GAN: variants seen among roughly 807,000 people sequenced by gnomAD.
The protein encoded by GAN is gigaxonin, also known as epididymis secretory sperm binding protein.
A neutral mutation model predicts 71.3 loss-of-function variants in GAN; 48 were observed. That is an observed-to-expected ratio of 0.67 (90% CI 0.53 to 0.86). The LOEUF is 0.86. Among genes scored for constraint, GAN ranks in the 40% least tolerant of loss-of-function variants. GAN has a pLI of 0.00. For synonymous variants in GAN, 386 were observed against 276.8 expected (o/e 1.39, Z -3.92); for missense variants, 928 against 770.1 (o/e 1.21, Z -2.43).
At position 81,354,581 on chromosome 16, in the gene GAN, CA is replaced by C; in HGVS notation, c.460del (p.Thr154GlnfsTer18). The C allele has an allele frequency of 6.2e-7, 1 of 1,614,132 alleles. No homozygotes were observed. The highest frequency in any genetic ancestry group is 8.5e-7 in the Non-Finnish European group (1 of 1,179,998). On this transcript the variant is annotated frameshift_variant, in exon 3 of 11. Coordinates refer to ENST00000648994, the MANE Select transcript of GAN (RefSeq NM_022041.4). LOFTEE classifies it high-confidence loss of function. ...GCCTCCATCACGTTCATTACCTTGC[CA>C]CAGAATACCTGGAGACTCATTTCCG... Reference protein sequence around the residue: ...YCLHHVHYLATEYLETHFRDV... With the variant: ...YCLHHVHYLAXEYLETHFRDV...
chr16:81,353,727 G>C lies in GAN; in HGVS notation c.283-678G>C, dbSNP rs191677338. ...GATGCTTTGGAGCACTGTGAAGTCAGTGGAGGAAGAAGCATTAGTCAGAAA... is the reference window on the plus strand; with the variant it reads ...GATGCTTTGGAGCACTGTGAAGTCACTGGAGGAAGAAGCATTAGTCAGAAA... On this transcript the variant is annotated intron_variant, in intron 2 of 10. Coordinates refer to ENST00000648994, the MANE Select transcript of GAN (RefSeq NM_022041.4). Among the ~76,000 whole-genome samples the C allele has an allele frequency of 8.6e-4, 131 of 152,184 alleles. 1 individual carries two copies. Among genetic ancestry groups the C allele is most frequent in the Non-Finnish European group, 4.4e-5 (3 of 68,008 alleles).
intron 9 of GAN, among the ~76,000 whole-genome samples, chr16:81,376,631 C>CATATATGTGTGT (rs139085847): frequency 5.4e-5 from 8 of 147,612 alleles, no homozygotes; most frequent in East Asian, 2.0e-4. Context: ...TATATACATA[C>CATATATGTGTGT]ATATATGTGT....
chr16:81,335,530 T>C (rs1909726491), intron 1 of GAN, among the ~76,000 whole-genome samples: 1 of 152,108 alleles, frequency 6.6e-6, no homozygotes, highest in Non-Finnish European at 1.5e-5. Flanking sequence ...GCAGATCAAC[T>C]GAGGTCAGGA....
chr16:81,375,225 A>C (rs35949216), intron 9 of GAN, among the ~76,000 whole-genome samples: 5 of 151,586 alleles, frequency 3.3e-5, no homozygotes, highest in Admixed American at 3.3e-4. Context: ...CAAAGTATCT[A>C]TATCCACAGG....
chr16:81,339,120 A>C (rs6564869), intron 1 of GAN, among the ~76,000 whole-genome samples: 37,237 of 152,172 alleles, frequency 0.24, 6,760 homozygotes, highest in East Asian at 0.77. Flanking sequence ...AGATAATTGA[A>C]GAAGCACCTA....
At chr16:81,370,411 A>G (rs544515660) in intron 9 of GAN, among the ~76,000 whole-genome samples, 3 of 152,360 alleles carry the variant, frequency 2.0e-5, no homozygotes, top group African/African-American at 2.4e-5. Flanking sequence ...AAAATGTAAT[A>G]TATGTAATTA....
At chr16:81,339,679 G>C (rs565681305) in intron 1 of GAN, among the ~76,000 whole-genome samples, 1 of 152,296 alleles carries the variant, frequency 6.6e-6, no homozygotes, top group East Asian at 1.9e-4. Context: ...TTCATAACAG[G>C]AATCTATTTT....
intron 4 of GAN, among the ~76,000 whole-genome samples, 184 bp downstream of exon 4, chr16:81,357,186 A>C (rs910289390): frequency 6.6e-5 from 10 of 151,996 alleles, no homozygotes; most frequent in Admixed American, 3.3e-4. Flanking sequence ...TACATGTGCC[A>C]TGCTGGTGTG....
At chr16:81,355,957 G>T (rs956457998) in intron 3 of GAN, among the ~76,000 whole-genome samples, 8 of 152,162 alleles carry the variant, frequency 5.3e-5, no homozygotes, top group Non-Finnish European at 1.0e-4. Context: ...GGGGAAATTG[G>T]TAAAGGAGAT....
chr16:81,373,229 GATGACCAT>G (rs1374148240), intron 9 of GAN, among the ~76,000 whole-genome samples: 67 of 152,246 alleles, frequency 4.4e-4, no homozygotes, highest in Admixed American at 4.4e-3. Context: ...ATGATGGAGT[GATGACCAT>G]ATGACTGTGT....
intron 1 of GAN, among the ~76,000 whole-genome samples, chr16:81,349,412 G>A (rs919407360): frequency 5.9e-4 from 90 of 152,268 alleles, no homozygotes; most frequent in African/African-American, 2.0e-3. Context: ...ACTTTGGGAG[G>A]CTGAGGTGGG....
intron 9 of GAN, among the ~76,000 whole-genome samples, chr16:81,368,480 G>T (rs370361110): frequency 1.3e-5 from 2 of 152,140 alleles, no homozygotes; most frequent in South Asian, 2.1e-4. Flanking sequence ...GGTAGTCCAC[G>T]CCTGTGGTCC....
intron 5 of GAN, among the ~76,000 whole-genome samples, chr16:81,361,260 C>T (rs1910664319): frequency 6.6e-6 from 1 of 152,096 alleles, no homozygotes; most frequent in Non-Finnish European, 1.5e-5. Context: ...TTATTTGTAG[C>T]AATAACTTTC....
At chr16:81,362,475 T>G (rs1325426131) in intron 5 of GAN, 24 bp from the exon 6 acceptor site, 9 of 1,226,014 alleles carry the variant, frequency 7.3e-6, no homozygotes, top group Non-Finnish European at 1.1e-5. Flanking sequence ...CATTTCATAT[T>G]TGTGTTTCCT....
rs1043156449 is a variant in GAN at position 81,389,087 on chromosome 16, C to T, written c.*11491C>T. ...GGGTGATAACATCTTTTTCCTAGAT[C>T]GTACCTCAAAATTCAGGCTCTCCAT... On this transcript the variant is annotated 3_prime_UTR_variant, in exon 11 of 11. Transcript: ENST00000648994. 2 of 152,086 alleles carry T rather than the reference C, an allele frequency of 1.3e-5. No homozygotes were observed. Among genetic ancestry groups the T allele is most frequent in the African/African-American group, 4.8e-5 (2 of 41,412 alleles). 9.4% of individuals were successfully genotyped at this position (152,086 alleles called of 1,614,324 possible).
At chr16:81,345,301 CAT>C (rs1480122305) in intron 1 of GAN, among the ~76,000 whole-genome samples, 5 of 152,280 alleles carry the variant, frequency 3.3e-5, no homozygotes, top group African/African-American at 1.2e-4. Context: ...CACATGCACA[CAT>C]ATGTTTGATG....
At position 81,351,587 on chromosome 16, in the gene GAN, A is replaced by T. The variant is rs746067847; in HGVS notation, c.172A>T (p.Lys58Ter). 1 of 1,359,920 alleles carries T rather than the reference A, an allele frequency of 7.4e-7. No individual in the cohort carries two copies. The highest frequency in any genetic ancestry group is 1.1e-6 in the Non-Finnish European group (1 of 947,906). 84.2% of individuals were successfully genotyped at this position (1,359,920 alleles called of 1,614,324 possible). ...LAAASPYIRT[K>*]LNYNPPKDDG... is the part of the protein sequence containing the mutation. ...ACATTTTTTTCCCTTTCTTAGGACA[A>T]AGTTAAACTATAATCCTCCAAAAGA... The change falls in exon 2 of 11, where the codon AAG (lysine) becomes TAG (stop). Residue 58 changes from lysine (K) to a stop codon, truncating the protein, a stop_gained. Transcript: ENST00000648994. LOFTEE classifies it high-confidence loss of function.
chr16:81,338,191 AT>A (rs1010625275), intron 1 of GAN, among the ~76,000 whole-genome samples: 15 of 152,170 alleles, frequency 9.9e-5, no homozygotes, highest in South Asian at 2.1e-4. Flanking sequence ...ATTGTTTCTA[AT>A]TTTTTTTAGA....
chr16:81,374,423 A>G (rs1193975714), intron 9 of GAN, among the ~76,000 whole-genome samples: 1 of 152,174 alleles, frequency 6.6e-6, no homozygotes, highest in African/African-American at 2.4e-5. Context: ...CCACTGGTAG[A>G]CCTAGCCTGC....
Sources: gnomAD v4.1 joint callset for allele counts (sites outside exome capture counted in the v4.1 genomes callset) on GRCh38, gnomAD v4.1.1 for gene constraint, MANE v1.5 for transcripts, NCBI Gene and HGNC (gene_info 2026-07-23, HGNC 2026-07-21) for gene names.